The following GNAQ variants were observed in gnomAD, a reference collection of about 807,000 sequenced individuals.
The protein encoded by GNAQ is G protein subunit alpha q, also known as guanine nucleotide-binding protein G(q) subunit alpha.
GNAQ carries 8 observed loss-of-function variants against 43.9 expected under a neutral mutation model. That is an observed-to-expected ratio of 0.18 (90% CI 0.11 to 0.33). The LOEUF (loss-of-function observed/expected upper bound fraction) is 0.33, where lower values mean the gene tolerates loss of function less well. GNAQ is among the 10% of genes least tolerant of loss of function. GNAQ has a pLI of 1.00. For synonymous variants in GNAQ, 155 were observed against 170.7 expected, an observed-to-expected ratio of 0.91 and a Z score of 0.71; for missense variants, 158 against 450.8, an observed-to-expected ratio of 0.35 and a Z score of 5.88.
At chr9:77,968,913 T>G (rs573855661) in intron 1 of GNAQ, among the ~76,000 whole-genome samples, 35 of 152,180 alleles carry the variant, frequency 2.3e-4, no homozygotes, top group Non-Finnish European at 4.0e-4. Flanking sequence ...CTGGGGGAAG[T>G]GATGCCACCA....
chr9:77,801,007 G>C (rs1188143828), intron 3 of GNAQ, among the ~76,000 whole-genome samples: 1 of 152,184 alleles, frequency 6.6e-6, no homozygotes, highest in Non-Finnish European at 1.5e-5. Context: ...TCAGAACAGA[G>C]GGCTGTTAAT....
chr9:77,756,141 A>G (rs10781457), intron 5 of GNAQ, among the ~76,000 whole-genome samples: 96,253 of 152,094 alleles, frequency 0.63, 31,425 homozygotes, highest in Non-Finnish European at 0.72. Context: ...TCAGCTTTGG[A>G]ACTCGGACTG....
At chr9:78,022,144 G>A (rs145406523) in intron 1 of GNAQ, among the ~76,000 whole-genome samples, 2 of 152,174 alleles carry the variant, frequency 1.3e-5, no homozygotes, top group Non-Finnish European at 1.5e-5. Context: ...TCAAAGAGAA[G>A]AGCCAGGCCA....
chr9:77,741,752 A>T (rs1003596629), intron 5 of GNAQ, among the ~76,000 whole-genome samples: 2 of 152,212 alleles, frequency 1.3e-5, no homozygotes, highest in Non-Finnish European at 1.5e-5. Context: ...TTTTCATAAT[A>T]CTTTAAGCAG....
chr9:77,792,249 A>G (rs1826586703), intron 5 of GNAQ, among the ~76,000 whole-genome samples: 1 of 152,174 alleles, frequency 6.6e-6, no homozygotes, highest in South Asian at 2.1e-4. Context: ...GACTTTCAAA[A>G]GATTCACAAG....
chr9:77,854,016 G>A (rs1376702693), intron 2 of GNAQ, among the ~76,000 whole-genome samples: 1 of 152,066 alleles, frequency 6.6e-6, no homozygotes, highest in African/African-American at 2.4e-5. Flanking sequence ...TTGATCCTAA[G>A]TTGGAAGAAC....
At chr9:77,962,886 T>TA (rs1823122592) in intron 1 of GNAQ, among the ~76,000 whole-genome samples, 1 of 116,350 alleles carries the variant, frequency 8.6e-6, no homozygotes, top group Non-Finnish European at 1.7e-5. Context: ...TAGTGAAACT[T>TA]AGTCTCAAAA....
At chr9:77,929,089 G>GC (rs1215789756) in intron 1 of GNAQ, among the ~76,000 whole-genome samples, 1 of 152,050 alleles carries the variant, frequency 6.6e-6, no homozygotes, top group African/African-American at 2.4e-5. Flanking sequence ...TTTTAAACTA[G>GC]CATCAGTATA....
At chr9:77,787,264 C>A (rs1203688984) in intron 5 of GNAQ, among the ~76,000 whole-genome samples, 1 of 152,108 alleles carries the variant, frequency 6.6e-6, no homozygotes, top group African/African-American at 2.4e-5. Flanking sequence ...AAAAAACTAA[C>A]AAGAAAAGGA....
In GNAQ at chr9:78,029,795, C is replaced by T. The variant is rs529880708; in HGVS notation, c.136+1305G>A. ...GAAAATGCATGCTTCTCACAAACACCAACTAACAGTACAATATTCTTTTCT... is the reference window on the plus strand; with the variant it reads ...GAAAATGCATGCTTCTCACAAACACTAACTAACAGTACAATATTCTTTTCT... On this transcript the variant is annotated intron_variant, in intron 1 of 6. Coordinates refer to ENST00000286548, the MANE Select transcript of GNAQ (RefSeq NM_002072.5). Among the ~76,000 whole-genome samples the T allele has an allele frequency of 7.9e-5, 12 of 152,276 alleles. No individual in the cohort carries two copies. The South Asian group carries it at 1.2e-3, about 16-fold the overall frequency.
rs571194029 is a variant in GNAQ, at chr9:77,890,823, C to T, written c.321+31338G>A. Among the ~76,000 whole-genome samples the T allele has an allele frequency of 5.9e-5, 9 of 152,282 alleles. No individual in the cohort carries two copies. In the South Asian group the frequency reaches 1.2e-3, roughly 21 times the overall value. On this transcript the variant is annotated intron_variant, in intron 2 of 6. Transcript: ENST00000286548. ...GTTTTCAATCATTTGCCCAGAGACT[C>T]GTCAGATGGTAGTATCTTACTCAAA...
At chr9:77,996,831 C>G (rs1480052489) in intron 1 of GNAQ, among the ~76,000 whole-genome samples, 1 of 152,170 alleles carries the variant, frequency 6.6e-6, no homozygotes, top group Non-Finnish European at 1.5e-5. Flanking sequence ...GAAGTCTACA[C>G]TGTTCTGATC....
At position 77,793,995 on chromosome 9, in the gene GNAQ, T is replaced by C. The variant is rs533564549; in HGVS notation, c.735+468A>G. 1.4e-4 allele frequency among the ~76,000 whole-genome samples: 22 copies of C among 152,286 alleles called. 1 individual carries two copies. The highest frequency in any genetic ancestry group is 5.3e-4 in the African/African-American group (22 of 41,572). On this transcript the variant is annotated intron_variant, in intron 5 of 6. Transcript: ENST00000286548. ...CATCACCAAGATATTCCATGGTTCA[T>C]AATGAACTGATTTAGAGCCCAGCTG...
chr9:77,822,185 G>A (rs1827129017), intron 2 of GNAQ, among the ~76,000 whole-genome samples: 1 of 152,104 alleles, frequency 6.6e-6, no homozygotes, highest in Non-Finnish European at 1.5e-5. Context: ...GTTTGACCAT[G>A]GAAGCTTTTT....
intron 1 of GNAQ, among the ~76,000 whole-genome samples, chr9:77,965,337 T>C (rs756564776): frequency 1.9e-4 from 29 of 152,060 alleles, no homozygotes; most frequent in Non-Finnish European, 3.5e-4. Flanking sequence ...CACCAGCCCA[T>C]CATACTCAGC....
intron 2 of GNAQ, among the ~76,000 whole-genome samples, chr9:77,837,814 T>A (rs151086478): frequency 6.6e-5 from 10 of 151,962 alleles, no homozygotes; most frequent in Admixed American, 1.3e-4. Context: ...ATATTAAGAA[T>A]GATTATACCC....
intron 2 of GNAQ, among the ~76,000 whole-genome samples, chr9:77,879,721 A>C (rs1828181033): frequency 1.3e-5 from 2 of 152,248 alleles, no homozygotes; most frequent in Admixed American, 1.3e-4. Context: ...TTTGCAAAGT[A>C]CTGCAAAGTA....
chr9:77,794,433 T>A, intron 5 of GNAQ, 30 bp downstream of exon 5: 1 of 1,479,720 alleles, frequency 6.8e-7, no homozygotes, highest in Non-Finnish European at 9.3e-7. Context: ...AATAAAATGA[T>A]AATCCATTGC....
At chr9:77,984,350 G>A (rs1823407680) in intron 1 of GNAQ, among the ~76,000 whole-genome samples, 1 of 151,848 alleles carries the variant, frequency 6.6e-6, no homozygotes, top group Non-Finnish European at 1.5e-5. Context: ...CGTATTCTTT[G>A]TAGAGATGGG....
Sources: gnomAD v4.1 joint callset for allele counts (sites outside exome capture counted in the v4.1 genomes callset) on GRCh38, gnomAD v4.1.1 for gene constraint, MANE v1.5 for transcripts, NCBI Gene and HGNC (gene_info 2026-07-23, HGNC 2026-07-21) for gene names.